The following ALK variants were observed in gnomAD, a reference collection of about 807,000 sequenced individuals.
ALK encodes the protein ALK receptor tyrosine kinase, also known as ALK tyrosine kinase receptor.
A neutral mutation model predicts 163.1 loss-of-function variants in ALK; 74 were observed. The ratio of observed to expected loss-of-function variants is 0.45; its 90% confidence interval spans 0.38 to 0.55. The LOEUF (loss-of-function observed/expected upper bound fraction) is 0.55, where lower values mean the gene tolerates loss of function less well. Ranked by LOEUF, ALK falls within the 20% of genes least tolerant of loss-of-function variation. The pLI is 0.00. For synonymous variants in ALK, 960 were observed against 843.2 expected (o/e 1.14, Z -2.40); for missense variants, 2,063 against 2,105.3 (o/e 0.98, Z 0.39).
At chr2:29,573,613 T>C (rs1322502200) in intron 3 of ALK, among the ~76,000 whole-genome samples, 1 of 152,232 alleles carries the variant, frequency 6.6e-6, no homozygotes, top group South Asian at 2.1e-4. Flanking sequence ...GGCCCATTCA[T>C]ACACGTATCA....
intron 12 of ALK, among the ~76,000 whole-genome samples, chr2:29,247,697 C>T (rs996738481): frequency 6.6e-6 from 1 of 152,186 alleles, no homozygotes; most frequent in African/African-American, 2.4e-5. Context: ...TGGTGGCCCC[C>T]CCTTGGCATG....
intron 3 of ALK, among the ~76,000 whole-genome samples, chr2:29,627,886 T>G (rs899633342): frequency 1.3e-5 from 2 of 152,170 alleles, no homozygotes; most frequent in African/African-American, 4.8e-5. Context: ...TCAATGGCAC[T>G]GCAAAGGGCC....
rs1479433859 is a variant in ALK, at chr2:29,920,322, C to T, written c.338G>A (p.Gly113Asp). Residue 113 changes from glycine to aspartate, a missense_variant, in exon 1 of 29, where the codon GGT becomes GAT. By Grantham distance (94) the Gly-to-Asp change is moderately conservative (BLOSUM62 -1). This residue lies in a region of ALK where 987 missense variants were observed against 939.5 expected (regional missense o/e 1.05). Coordinates refer to ENST00000389048, the MANE Select transcript of ALK (RefSeq NM_004304.5). ...GPAPGVSWTA[G>D]SPAPAEARTL... ...CCGGGCCTCTGCCGGGGCTGGTGAA[C>T]CGGCGGTCCAGGAGACCCCCGGCGC... 6.4e-7 allele frequency: 1 copy of T among 1,555,014 alleles called. No homozygotes were observed. Among genetic ancestry groups the T allele is most frequent in the Non-Finnish European group, 8.7e-7 (1 of 1,150,868 alleles).
intron 28 of ALK, among the ~76,000 whole-genome samples, 168 bp downstream of exon 28, chr2:29,196,602 G>T (rs962394455): frequency 6.6e-6 from 1 of 152,126 alleles, no homozygotes; most frequent in Non-Finnish European, 1.5e-5. Context: ...TTACAAAATG[G>T]GCAAATGGAG....
At chr2:29,732,522 G>C (rs1331066986) in intron 1 of ALK, among the ~76,000 whole-genome samples, 1 of 152,212 alleles carries the variant, frequency 6.6e-6, no homozygotes, top group East Asian at 1.9e-4. Flanking sequence ...CACCCTTGGG[G>C]TGAAAAAGAC....
chr2:29,367,655 C>G (rs913686356), intron 5 of ALK, among the ~76,000 whole-genome samples: 1 of 152,156 alleles, frequency 6.6e-6, no homozygotes, highest in Non-Finnish European at 1.5e-5. Flanking sequence ...TGATCAGCTC[C>G]CTGAGTAGTG....
chr2:29,428,064 C>G (rs1479796681), intron 4 of ALK, among the ~76,000 whole-genome samples: 1 of 151,944 alleles, frequency 6.6e-6, no homozygotes, highest in Non-Finnish European at 1.5e-5. Flanking sequence ...AAACTTAGAG[C>G]ATACTTTGAG....
intron 11 of ALK, among the ~76,000 whole-genome samples, chr2:29,256,508 A>G (rs1176992395): frequency 1.3e-5 from 2 of 152,122 alleles, no homozygotes; most frequent in African/African-American, 4.8e-5. Flanking sequence ...GAAGTAGATA[A>G]CTGGTCTAGC....
intron 3 of ALK, among the ~76,000 whole-genome samples, chr2:29,538,701 C>G (rs1348254081): frequency 6.6e-6 from 1 of 152,122 alleles, no homozygotes; most frequent in Non-Finnish European, 1.5e-5. Context: ...AACCTCTGCT[C>G]CACCTGACCA....
intron 4 of ALK, among the ~76,000 whole-genome samples, chr2:29,519,980 T>C (rs1238898296): frequency 6.6e-6 from 1 of 152,064 alleles, no homozygotes; most frequent in Non-Finnish European, 1.5e-5. Context: ...TGTGGTTAAG[T>C]GGTGATGTAA....
chr2:29,781,425 T>C (rs1486350543), intron 1 of ALK, among the ~76,000 whole-genome samples: 2 of 152,162 alleles, frequency 1.3e-5, no homozygotes, highest in African/African-American at 4.8e-5. Context: ...CCTCCTTGCA[T>C]GGGCCTTGCA....
intron 3 of ALK, among the ~76,000 whole-genome samples, chr2:29,660,137 C>G (rs1677307322): frequency 6.6e-6 from 1 of 152,132 alleles, no homozygotes; most frequent in Non-Finnish European, 1.5e-5. Context: ...AGAGTCTGTC[C>G]AGCACGGTCC....
At position 29,831,096 on chromosome 2, in the gene ALK, GAGGAGGAGGAGGAGA is replaced by G. The variant is rs1220553106; in HGVS notation, c.667+88882_667+88896del. 1.1e-4 allele frequency among the ~76,000 whole-genome samples: 6 copies of G among 55,412 alleles called. 1 individual carries two copies. The South Asian group carries it at 2.8e-3, about 26-fold the overall frequency. 36.4% of individuals were successfully genotyped at this position (55,412 alleles called of 152,430 possible). ...GGAGGAGGAGGAGGAGGAGGAGGAG[GAGGAGGAGGAGGAGA>G]AGAAGAAGAAGAAGGGGAAGAAGGG... On this transcript the variant is annotated intron_variant, in intron 1 of 28. Coordinates refer to ENST00000389048, the MANE Select transcript of ALK (RefSeq NM_004304.5).
chr2:29,199,020 C>T (rs1267571463), intron 26 of ALK, among the ~76,000 whole-genome samples: 1 of 150,778 alleles, frequency 6.6e-6, no homozygotes, highest in Non-Finnish European at 1.5e-5. Flanking sequence ...GTGGTGCCAT[C>T]TTGGCTCACT....
At chr2:29,476,622 G>C (rs6760164) in intron 4 of ALK, among the ~76,000 whole-genome samples, 126,481 of 151,706 alleles carry the variant, frequency 0.83, 53,140 homozygotes, top group Non-Finnish European at 0.89. Context: ...ACCCGGGGGA[G>C]TTTCCCGGTG....
chr2:29,643,730 A>C (rs1183170691), intron 3 of ALK, among the ~76,000 whole-genome samples: 1 of 152,148 alleles, frequency 6.6e-6, no homozygotes, highest in East Asian at 1.9e-4. Flanking sequence ...ATAACAATCG[A>C]AATCTAGTAG....
intron 1 of ALK, among the ~76,000 whole-genome samples, chr2:29,731,740 G>C (rs1470158393): frequency 6.6e-6 from 1 of 152,142 alleles, no homozygotes; most frequent in African/African-American, 2.4e-5. Flanking sequence ...TTTTCATTAG[G>C]ACAATAGCAA....
At chr2:29,874,326 A>G (rs1442342851) in intron 1 of ALK, among the ~76,000 whole-genome samples, 3 of 151,996 alleles carry the variant, frequency 2.0e-5, no homozygotes. Context: ...CGTGTGACAA[A>G]GGCTGACATA....
chr2:29,491,071 T>G (rs1332804611), intron 4 of ALK, among the ~76,000 whole-genome samples: 1 of 152,374 alleles, frequency 6.6e-6, no homozygotes. Flanking sequence ...CAGGGTCCTC[T>G]GAGGATCCAT....
Sources: allele counts gnomAD v4.1 joint callset (sites outside exome capture counted in the v4.1 genomes callset), GRCh38; gene constraint gnomAD v4.1.1; regional missense constraint gnomAD v4.1.1; transcripts MANE v1.5; gene names NCBI Gene and HGNC (gene_info 2026-07-23, HGNC 2026-07-21).